The following SEMA5A variants were observed in gnomAD, a reference collection of about 807,000 sequenced individuals.
The protein encoded by SEMA5A is semaphorin 5A, also known as semaphorin-5A.
SEMA5A carries 55 observed loss-of-function variants against 135.5 expected under a neutral mutation model. That is an observed-to-expected ratio of 0.41 (90% CI 0.33 to 0.51). The LOEUF (loss-of-function observed/expected upper bound fraction) is 0.51. Ranked by LOEUF, SEMA5A falls within the 20% of genes least tolerant of loss-of-function variation. The pLI is 0.37. For synonymous variants in SEMA5A, 580 were observed against 546.5 expected (o/e 1.06, Z -0.85); for missense variants, 1,290 against 1,419.9 (o/e 0.91, Z 1.47).
intron 10 of SEMA5A, among the ~76,000 whole-genome samples, chr5:9,196,637 C>G (rs147835338): frequency 9.4e-4 from 143 of 152,288 alleles, no homozygotes; most frequent in African/African-American, 3.3e-3. Context: ...TCACAAAGCC[C>G]TGGAAGCTTG....
intron 1 of SEMA5A, among the ~76,000 whole-genome samples, chr5:9,494,585 T>C (rs1735207048): frequency 6.6e-6 from 1 of 152,016 alleles, no homozygotes; most frequent in African/African-American, 2.4e-5. Flanking sequence ...ATGAGTCAGC[T>C]TCTGCCAAAT....
rs185886405 is a variant in SEMA5A at position 9,136,307 on chromosome 5, A to C, written c.1599+197T>G. On this transcript the variant is annotated intron_variant, in intron 13 of 22. Transcript: ENST00000382496. ...TGAAGACATTTCTCTTCAAACAGAC[A>C]AAAAAACCTATAACAGCATTCCACG... Among the ~76,000 whole-genome samples the C allele has an allele frequency of 3.9e-5, 6 of 152,326 alleles. No individual in the cohort carries two copies. In the East Asian group the frequency reaches 9.6e-4, roughly 24 times the overall value.
chr5:9,316,379 A>AGT (rs1053567411), intron 5 of SEMA5A, among the ~76,000 whole-genome samples: 70 of 152,358 alleles, frequency 4.6e-4, no homozygotes, highest in African/African-American at 1.5e-3. Flanking sequence ...ACATGTATCA[A>AGT]GTGTGTTCAC....
At chr5:9,169,142 T>C (rs1743773830) in intron 11 of SEMA5A, among the ~76,000 whole-genome samples, 1 of 152,102 alleles carries the variant, frequency 6.6e-6, no homozygotes, top group South Asian at 2.1e-4. Flanking sequence ...AGATTTTAAG[T>C]GTCCTTACCA....
At chr5:9,314,631 T>C (rs953478564) in intron 5 of SEMA5A, among the ~76,000 whole-genome samples, 1 of 151,970 alleles carries the variant, frequency 6.6e-6, no homozygotes, top group Non-Finnish European at 1.5e-5. Context: ...ACTTGGGAAC[T>C]GTCATGTAAA....
intron 1 of SEMA5A, among the ~76,000 whole-genome samples, chr5:9,538,966 T>C (rs1464361048): frequency 2.0e-5 from 3 of 152,254 alleles, no homozygotes; most frequent in African/African-American, 4.8e-5. Context: ...TATTGAGGTA[T>C]ATGTTACATG....
intron 1 of SEMA5A, among the ~76,000 whole-genome samples, chr5:9,458,775 C>A (rs1165901951): frequency 6.6e-6 from 1 of 152,170 alleles, no homozygotes; most frequent in Non-Finnish European, 1.5e-5. Context: ...CACGTATGAG[C>A]ATCAATTTGG....
At chr5:9,295,185 A>C (rs545683464) in intron 5 of SEMA5A, among the ~76,000 whole-genome samples, 1 of 152,236 alleles carries the variant, frequency 6.6e-6, no homozygotes, top group Non-Finnish European at 1.5e-5. Flanking sequence ...GCTACCCCAA[A>C]TTCTTATTCA....
intron 12 of SEMA5A, among the ~76,000 whole-genome samples, 165 bp from the exon 13 acceptor site, chr5:9,136,786 C>A (rs1741783482): frequency 6.6e-6 from 1 of 152,174 alleles, no homozygotes; most frequent in Non-Finnish European, 1.5e-5. Context: ...TCTGCACACT[C>A]CAGTAAGTAC....
At chr5:9,244,799 G>A (rs1398153081) in intron 5 of SEMA5A, among the ~76,000 whole-genome samples, 1 of 152,194 alleles carries the variant, frequency 6.6e-6, no homozygotes, top group Non-Finnish European at 1.5e-5. Flanking sequence ...CAGCCCTTGA[G>A]CTGGTTGGGT....
intron 10 of SEMA5A, among the ~76,000 whole-genome samples, chr5:9,194,247 C>T (rs1461378796): frequency 6.6e-6 from 1 of 152,188 alleles, no homozygotes; most frequent in East Asian, 1.9e-4. Flanking sequence ...TATATTTTGT[C>T]CGAAAAAAAT....
chr5:9,394,742 A>T (rs1346426703), intron 2 of SEMA5A, among the ~76,000 whole-genome samples: 2 of 152,290 alleles, frequency 1.3e-5, no homozygotes, highest in East Asian at 3.9e-4. Flanking sequence ...CCAAGAATGG[A>T]GGTAGCAAAT....
rs996132581 is a variant in SEMA5A, at chr5:9,201,856, T to A, written c.932+99A>T. ...GTTAGCCCAGTAAATTAAGAAAGAT[T>A]TTCTCTAAAGTAAATTTAAAACCTC... On this transcript the variant is annotated intron_variant, in intron 9 of 22. Transcript: ENST00000382496. 7 of 1,189,958 alleles carry A rather than the reference T, an allele frequency of 5.9e-6. No homozygotes were observed. The African/African-American group carries it at 9.3e-5, about 16-fold the overall frequency. The allele number at this position is 1,189,958 out of a possible 1,614,324, so 73.7% of individuals were successfully genotyped here.
chr5:9,062,661 TG>T (rs1737245509), intron 18 of SEMA5A, among the ~76,000 whole-genome samples: 1 of 152,208 alleles, frequency 6.6e-6, no homozygotes, highest in African/African-American at 2.4e-5. Flanking sequence ...GGATGAGGTC[TG>T]GCTATATTGC....
At chr5:9,221,467 T>C (rs1477538084) in intron 8 of SEMA5A, among the ~76,000 whole-genome samples, 2 of 151,952 alleles carry the variant, frequency 1.3e-5, no homozygotes, top group South Asian at 2.1e-4. Context: ...CACGCCCGGC[T>C]AATTTTTTCT....
intron 1 of SEMA5A, among the ~76,000 whole-genome samples, chr5:9,503,229 C>A (rs1175989135): frequency 4.6e-5 from 7 of 152,170 alleles, no homozygotes; most frequent in South Asian, 4.1e-4. Flanking sequence ...TCTTCACCCC[C>A]CAGGAGGAAG....
chr5:9,479,209 T>C (rs980556550), intron 1 of SEMA5A, among the ~76,000 whole-genome samples: 6 of 152,052 alleles, frequency 3.9e-5, no homozygotes, highest in Admixed American at 2.0e-4. Flanking sequence ...TCTCAGATAG[T>C]TTTTTTAATA....
intron 3 of SEMA5A, among the ~76,000 whole-genome samples, chr5:9,349,080 G>A (rs1308190930): frequency 6.6e-6 from 1 of 152,192 alleles, no homozygotes; most frequent in African/African-American, 2.4e-5. Flanking sequence ...AGGATTCAAG[G>A]GAAGAAGAAA....
At chr5:9,337,458 G>T (rs1454628726) in intron 4 of SEMA5A, among the ~76,000 whole-genome samples, 1 of 152,128 alleles carries the variant, frequency 6.6e-6, no homozygotes. Flanking sequence ...TTTGAATGGA[G>T]GAACAAATGA....
Sources: gnomAD v4.1 joint callset for allele counts (sites outside exome capture counted in the v4.1 genomes callset) on GRCh38, gnomAD v4.1.1 for gene constraint, MANE v1.5 for transcripts, NCBI Gene and HGNC (gene_info 2026-07-23, HGNC 2026-07-21) for gene names.